Variants in ADCY1 observed in about 807,000 individuals in gnomAD.
ADCY1 encodes adenylate cyclase 1.
In ADCY1, 28 loss-of-function variants were observed where a neutral mutation model predicts 105.4. The ratio of observed to expected loss-of-function variants is 0.27; its 90% CI spans 0.20 to 0.36. The LOEUF is 0.36. ADCY1 is among the 10% of genes least tolerant of loss of function. The pLI is 1.00. For missense variants in ADCY1, 977 were observed against 1,434.2 expected (o/e 0.68, Z 5.15); for synonymous variants, 655 against 623.8 (o/e 1.05, Z -0.75).
chr7:45,688,386 T>C (rs1188622814), intron 14 of ADCY1, among the ~76,000 whole-genome samples: 6 of 152,178 alleles, frequency 3.9e-5, no homozygotes, highest in Admixed American at 1.3e-4. Context: ...TGTTACTCTG[T>C]GATGAGCCAT....
At position 45,710,568 on chromosome 7, in the gene ADCY1, T is replaced by A. The variant is rs1486179154; in HGVS notation, c.2973T>A (p.Ala991=). Residue 991 remains alanine (A), a synonymous_variant, in exon 19 of 20, where the codon GCT becomes GCA. Transcript: ENST00000297323. The surrounding 1 kb of genome is among the most constrained non-coding windows in gnomAD (Gnocchi z 4.7). ...CTGTGGTGGCTGGAGTGATTGGCGC[T>A]CGCAGGCCCCAGTACGACATCTGGG... ...VGPVVAGVIG[A]RRPQYDIWGN... The A allele has an allele frequency of 6.2e-7, 1 of 1,613,854 alleles. No individual in the cohort carries two copies. Among genetic ancestry groups the A allele is most frequent in the Non-Finnish European group, 8.5e-7 (1 of 1,180,008 alleles).
At chr7:45,592,619 T>A in intron 1 of ADCY1, 140 bp from the exon 2 acceptor site, 1 of 1,137,972 alleles carries the variant, frequency 8.8e-7, no homozygotes, top group Non-Finnish European at 1.3e-6. Context: ...TGACTCCCTG[T>A]GTCCCTGGCC....
At chr7:45,664,075 C>T (rs962186540) in intron 8 of ADCY1, among the ~76,000 whole-genome samples, 4 of 152,040 alleles carry the variant, frequency 2.6e-5, no homozygotes, top group African/African-American at 7.2e-5. Context: ...GAAGACAGGC[C>T]TAGGTGATCA....
rs536713057 is a variant in ADCY1 at position 45,592,605 on chromosome 7, C to T, written c.640-154C>T. The stretch of plus-strand genomic sequence containing the variant: ...GACAGGGTGAGGACGAGCTCCTGCC[C>T]GGCTGACTCCCTGTGTCCCTGGCCC... On this transcript the variant is annotated intron_variant, in intron 1 of 19. Coordinates refer to ENST00000297323, the MANE Select transcript of ADCY1 (RefSeq NM_021116.4). Among the ~76,000 whole-genome samples the T allele has an allele frequency of 2.0e-3, 302 of 152,284 alleles. 2 individuals carry two copies. The highest frequency in any genetic ancestry group is 0.01 in the Middle Eastern group (3 of 294).
rs542560144 is a variant in ADCY1 at position 45,647,273 on chromosome 7, C to T, written c.1021-1397C>T. ...CCTGGGAACTGGGGCTCCCAGCGGTCGGTGTGGCCTGTCCCTGTCCTGACT... is the reference window on the plus strand; with the variant it reads ...CCTGGGAACTGGGGCTCCCAGCGGTTGGTGTGGCCTGTCCCTGTCCTGACT... On this transcript the variant is annotated intron_variant, in intron 4 of 19. Coordinates refer to ENST00000297323, the MANE Select transcript of ADCY1 (RefSeq NM_021116.4). This position sits in a 1 kb window ranked among gnomAD's most constrained non-coding sequence, Gnocchi z 4.6. Among the ~76,000 whole-genome samples the T allele has an allele frequency of 2.8e-4, 42 of 152,354 alleles. No individual in the cohort carries two copies. The highest frequency in any genetic ancestry group is 3.9e-4 in the Admixed American group (6 of 15,308).
chr7:45,700,607 T>C (rs558641396), intron 14 of ADCY1, among the ~76,000 whole-genome samples: 17 of 152,308 alleles, frequency 1.1e-4, no homozygotes, highest in East Asian at 1.9e-4. Flanking sequence ...AGTCTATTTA[T>C]AGTGATTGTA....
intron 2 of ADCY1, among the ~76,000 whole-genome samples, chr7:45,602,770 C>T: frequency 6.6e-6 from 1 of 152,264 alleles, no homozygotes; most frequent in African/African-American, 2.4e-5. Context: ...CACTCAAATG[C>T]TTTTTCCTAT....
At chr7:45,601,737 A>G (rs143118573) in intron 2 of ADCY1, among the ~76,000 whole-genome samples, 466 of 152,256 alleles carry the variant, frequency 3.1e-3, no homozygotes, top group Non-Finnish European at 4.9e-3. Flanking sequence ...TCTCATACAC[A>G]TGCTTTTGTG....
chr7:45,696,273 CT>C (rs1784879467), intron 14 of ADCY1, among the ~76,000 whole-genome samples: 2 of 151,884 alleles, frequency 1.3e-5, no homozygotes, highest in African/African-American at 4.8e-5. Context: ...CCCGTCTCTA[CT>C]AAAAAATACA....
chr7:45,592,976 T>C, intron 2 of ADCY1, 68 bp downstream of exon 2: 1 of 1,588,822 alleles, frequency 6.3e-7, no homozygotes, highest in Non-Finnish European at 8.6e-7. Context: ...AGAAGCTGGC[T>C]TCCTGAGCCT....
At chr7:45,576,277 C>T (rs925628672) in intron 1 of ADCY1, among the ~76,000 whole-genome samples, 8 of 152,070 alleles carry the variant, frequency 5.3e-5, no homozygotes, top group African/African-American at 1.9e-4. Context: ...CACAGCCCGG[C>T]CCCGGGGGAC....
intron 1 of ADCY1, among the ~76,000 whole-genome samples, chr7:45,583,938 T>TTTTTTTG (rs1491423793): frequency 4.8e-5 from 3 of 63,098 alleles, no homozygotes; most frequent in African/African-American, 1.7e-4. Context: ...CTGTGCCCTG[T>TTTTTTTG]TTTTTTTTTT....
chr7:45,722,441 A>C lies in ADCY1; in HGVS notation c.*8446A>C, dbSNP rs1785495025. 2.6e-5 allele frequency: 4 copies of C among 152,094 alleles called. No individual in the cohort carries two copies. The highest frequency in any genetic ancestry group is 9.7e-5 in the African/African-American group (4 of 41,376). 9.4% of individuals were successfully genotyped at this position (152,094 alleles called of 1,614,324 possible). On this transcript the variant is annotated 3_prime_UTR_variant, in exon 20 of 20. Transcript: ENST00000297323. ...GCCAAGGCGAGGCCCGTGGAGCCTG[A>C]GCTTTGTGTAGCTCGAGCTTTGTGT...
chr7:45,594,366 A>G (rs951410491), intron 2 of ADCY1, among the ~76,000 whole-genome samples: 2 of 152,134 alleles, frequency 1.3e-5, no homozygotes, highest in African/African-American at 2.4e-5. Flanking sequence ...GCTTTCTGGG[A>G]GGCATATAGC....
chr7:45,646,754 G>T (rs1205767369), intron 4 of ADCY1, among the ~76,000 whole-genome samples: 2 of 152,214 alleles, frequency 1.3e-5, no homozygotes, highest in African/African-American at 4.8e-5. Context: ...GCCCCCTTCT[G>T]CAGATGAGGA....
intron 1 of ADCY1, among the ~76,000 whole-genome samples, chr7:45,579,604 C>T (rs540358183): frequency 2.6e-4 from 39 of 152,302 alleles, no homozygotes; most frequent in Non-Finnish European, 5.4e-4. Flanking sequence ...CTGCCTACAG[C>T]GACAGGGCTA....
intron 4 of ADCY1, among the ~76,000 whole-genome samples, chr7:45,627,380 T>G (rs552028230): frequency 5.3e-4 from 80 of 152,214 alleles, no homozygotes; most frequent in Admixed American, 1.1e-3. Flanking sequence ...GTGCATCCTG[T>G]CCAGCTAACC....
chr7:45,707,817 T>C lies in ADCY1; in HGVS notation c.2818-533T>C, dbSNP rs181817945. ...CTTACCTATAAACCTAAAATTGCCC[T>C]AAAAATAAAGTCTGTTAATTTTTAA... On this transcript the variant is annotated intron_variant, in intron 17 of 19. Coordinates refer to ENST00000297323, the MANE Select transcript of ADCY1 (RefSeq NM_021116.4). 2.1e-3 allele frequency among the ~76,000 whole-genome samples: 323 copies of C among 152,272 alleles called. 1 individual carries two copies. The highest frequency in any genetic ancestry group is 7.6e-3 in the African/African-American group (314 of 41,552).
chr7:45,604,628 C>T lies in ADCY1; in HGVS notation c.790-5751C>T, dbSNP rs572033511. Among the ~76,000 whole-genome samples the T allele has an allele frequency of 1.2e-4, 18 of 152,186 alleles. No homozygotes were observed. The Middle Eastern group carries it at 0.01, about 86-fold the overall frequency. On this transcript the variant is annotated intron_variant, in intron 2 of 19. Coordinates refer to ENST00000297323, the MANE Select transcript of ADCY1 (RefSeq NM_021116.4). ...TTGAACCTTTGTCAAAAATTTGTTG[C>T]GCATATTTGTGTGATCTATTTGTGG...
Sources: allele counts gnomAD v4.1 joint callset (sites outside exome capture counted in the v4.1 genomes callset), GRCh38; gene constraint gnomAD v4.1.1; non-coding constraint Gnocchi (gnomAD v3.1); transcripts MANE v1.5; gene names NCBI Gene and HGNC (gene_info 2026-07-23, HGNC 2026-07-21).